Variants in MFSD11 observed in about 807,000 individuals in gnomAD.
MFSD11 encodes the protein major facilitator superfamily domain containing 11, also known as UNC93-like protein MFSD11.
A neutral mutation model predicts 53.5 loss-of-function variants in MFSD11; 36 were observed. That is an observed-to-expected ratio of 0.67 (90% CI 0.52 to 0.89). MFSD11 has a LOEUF of 0.89. Among genes scored for constraint, MFSD11 ranks in the 40% least tolerant of loss-of-function variants. The probability of loss-of-function intolerance (pLI) is 0.00; values close to 1 mark genes in which losing one functional copy is unlikely to be tolerated. For synonymous variants in MFSD11, 186 were observed against 184.9 expected, an observed-to-expected ratio of 1.01 and a Z score of -0.05; for missense variants, 530 against 543.9, an observed-to-expected ratio of 0.97 and a Z score of 0.25.
At chr17:76,778,121 T>G (rs1408715794) in intron 12 of MFSD11, 67 bp from the exon 13 acceptor site, 1 of 1,546,578 alleles carries the variant, frequency 6.5e-7, no homozygotes, top group Admixed American at 1.7e-5. Context: ...GGAGTGGGGC[T>G]AGGGGCTAAC....
upstream of MFSD11, chr17:76,737,302 T>TCCGCAGGCTAGCGCA (rs1206857542): frequency 2.5e-6 from 3 of 1,201,098 alleles, no homozygotes; most frequent in East Asian, 7.8e-5. Context: ...ACGGACGGGC[T>TCCGCAGGCTAGCGCA]CCGCAGGCTA....
the MFSD11 span, among the ~76,000 whole-genome samples, chr17:76,787,204 C>T: frequency 5.4e-5 from 8 of 147,226 alleles, no homozygotes; most frequent in Non-Finnish European, 8.9e-5. Context: ...GGTGTGATCT[C>T]GACTCACCGC....
At chr17:76,761,988 A>G (rs1403881930) in intron 8 of MFSD11, among the ~76,000 whole-genome samples, 1 of 152,080 alleles carries the variant, frequency 6.6e-6, no homozygotes, top group Non-Finnish European at 1.5e-5. Flanking sequence ...ATCCATTGCA[A>G]AGTCAGTACA....
chr17:76,758,604 T>C (rs1284837267), intron 8 of MFSD11, among the ~76,000 whole-genome samples: 2 of 134,128 alleles, frequency 1.5e-5, no homozygotes, highest in Non-Finnish European at 3.1e-5. Flanking sequence ...AAAAAAAAAG[T>C]GATTGAAGAA....
chr17:76,802,511 C>T, the MFSD11 span, among the ~76,000 whole-genome samples: 10 of 152,120 alleles, frequency 6.6e-5, no homozygotes, highest in Admixed American at 5.9e-4. Context: ...TTCCGAGCAG[C>T]GTTATTTATA....
At chr17:76,762,138 C>T (rs965747731) in intron 8 of MFSD11, among the ~76,000 whole-genome samples, 2 of 152,106 alleles carry the variant, frequency 1.3e-5, no homozygotes, top group Non-Finnish European at 2.9e-5. Context: ...CCTTTCACTA[C>T]TATTGCACCC....
upstream of MFSD11, chr17:76,737,170 T>C (rs1368260265): frequency 1.9e-6 from 3 of 1,549,434 alleles, no homozygotes; most frequent in African/African-American, 1.4e-5. Flanking sequence ...TAGCTCTGAG[T>C]GGCGGCCCGG....
At chr17:76,762,271 A>G (rs2080331505) in intron 8 of MFSD11, among the ~76,000 whole-genome samples, 1 of 152,198 alleles carries the variant, frequency 6.6e-6, no homozygotes, top group Non-Finnish European at 1.5e-5. Flanking sequence ...CATTCATGTC[A>G]CAATATATTA....
At chr17:76,781,988 A>ATTTTTTTTTTTTT (rs57536397), downstream of MFSD11, among the ~76,000 whole-genome samples, 1 of 137,406 alleles carries the variant, frequency 7.3e-6, no homozygotes, top group African/African-American at 2.8e-5. Context: ...TGCCTGGATA[A>ATTTTTTTTTTTTT]TTTTTTTTTT....
At chr17:76,777,390 T>G (rs960330117) in intron 12 of MFSD11, among the ~76,000 whole-genome samples, 3 of 152,056 alleles carry the variant, frequency 2.0e-5, no homozygotes, top group African/African-American at 4.8e-5. Flanking sequence ...TGCACTACCA[T>G]GTTCAGCTAA....
At chr17:76,782,474 CTTTT>C (rs33999736), downstream of MFSD11, among the ~76,000 whole-genome samples, 2,454 of 76,162 alleles carry the variant, frequency 0.032, 79 homozygotes, top group African/African-American at 0.13. Flanking sequence ...CGCGCCCAGG[CTTTT>C]TTTTTTTTTT....
intron 7 of MFSD11, 34 bp from the exon 8 acceptor site, chr17:76,754,013 G>GA (rs763785566): frequency 6.3e-7 from 1 of 1,575,756 alleles, no homozygotes; most frequent in Non-Finnish European, 8.6e-7. Context: ...TTTTCAAAAA[G>GA]AAAAAACTTA....
intron 5 of MFSD11, among the ~76,000 whole-genome samples, chr17:76,742,763 C>T (rs1366591988): frequency 1.3e-5 from 2 of 152,140 alleles, no homozygotes; most frequent in African/African-American, 4.8e-5. Context: ...CTTGGGCTCC[C>T]AGAGTGTTGG....
In MFSD11 at chr17:76,776,442, C is replaced by T. The variant is rs952800021; in HGVS notation, c.1086C>T (p.Gly362=). The stretch of plus-strand genomic sequence containing the variant: ...CCATTCTCTGCAGTTTTCTGTTGGG[C>T]CTTGGAGACAGCTGCTTTAATACCC... The part of the protein sequence containing the change: ...EVAILCSFLL[G]LGDSCFNTQL... Residue 362 remains glycine (G), a synonymous_variant, in exon 12 of 13, where the codon GGC becomes GGT. Coordinates refer to ENST00000685175, the MANE Select transcript of MFSD11 (RefSeq NM_001242532.5). This position sits in a 1 kb window ranked among gnomAD's most constrained non-coding sequence, Gnocchi z 4.2. 1 of 1,613,866 alleles carries T rather than the reference C, an allele frequency of 6.2e-7. No homozygotes were observed. Among genetic ancestry groups the T allele is most frequent in the Non-Finnish European group, 8.5e-7 (1 of 1,180,004 alleles).
At position 76,776,332 on chromosome 17, in the gene MFSD11, G is replaced by A. The variant is rs2144918269; in HGVS notation, c.1050-74G>A. ...CAACTTGCAGGTAGAATTCTTTTGT[G>A]GGTGGGTTGCTTGTATATTTTAAAT... On this transcript the variant is annotated intron_variant, in intron 11 of 12. Coordinates refer to ENST00000685175, the MANE Select transcript of MFSD11 (RefSeq NM_001242532.5). This position sits in a 1 kb window ranked among gnomAD's most constrained non-coding sequence, Gnocchi z 4.2. 2 of 1,486,240 alleles carry A rather than the reference G, an allele frequency of 1.3e-6. No homozygotes were observed. The highest frequency in any genetic ancestry group is 1.4e-5 in the African/African-American group (1 of 70,470). 92.1% of individuals were successfully genotyped at this position (1,486,240 alleles called of 1,614,324 possible). A position where few individuals can be genotyped will look rare whatever the true frequency, so the allele number is the denominator to read the frequency against.
In MFSD11 at chr17:76,775,028, C is replaced by T. The variant is rs745983332; in HGVS notation, c.906C>T (p.Asn302=). ...GCCTCTTCGGCCTGCTGAGCAAGAA[C>T]AATCGTTTTGGTAGAAATCCAGTTG... ...GGSLFGLLSK[N]NRFGRNPVVL... is the part of the protein sequence containing the mutation. The change falls in exon 11 of 13, where the codon AAC becomes AAT. Residue 302 remains asparagine (N), a synonymous_variant. Coordinates refer to ENST00000685175, the MANE Select transcript of MFSD11 (RefSeq NM_001242532.5). 17 of 1,613,890 alleles carry T rather than the reference C, an allele frequency of 1.1e-5. No homozygotes were observed. Among genetic ancestry groups the T allele is most frequent in the Non-Finnish European group, 1.4e-5 (17 of 1,179,938 alleles).
chr17:76,786,513 G>A, the MFSD11 span, among the ~76,000 whole-genome samples: 2,770 of 152,248 alleles, frequency 0.018, 83 homozygotes, highest in African/African-American at 0.062. Flanking sequence ...CAACAGTGAC[G>A]CAGTCAGAAT....
intron 8 of MFSD11, among the ~76,000 whole-genome samples, chr17:76,763,648 G>C (rs2144686806): frequency 6.6e-6 from 1 of 152,058 alleles, no homozygotes; most frequent in East Asian, 1.9e-4. Context: ...CTAGATAAAA[G>C]TTCTATATAT....
At chr17:76,772,697 TA>T (rs1467120264) in intron 10 of MFSD11, among the ~76,000 whole-genome samples, 1 of 151,856 alleles carries the variant, frequency 6.6e-6, no homozygotes, top group Non-Finnish European at 1.5e-5. Context: ...TTTGTATTTT[TA>T]GTAGAGATGG....
Sources: gnomAD v4.1 joint callset for allele counts (sites outside exome capture counted in the v4.1 genomes callset) on GRCh38, gnomAD v4.1.1 for gene constraint, Gnocchi (gnomAD v3.1) non-coding constraint, MANE v1.5 for transcripts, NCBI Gene and HGNC (gene_info 2026-07-23, HGNC 2026-07-21) for gene names.